The following ARL15 variants were observed in gnomAD, a reference collection of about 807,000 sequenced individuals.
The protein encoded by ARL15 is ARF like GTPase 15.
ARL15 carries 19 observed loss-of-function variants against 25.2 expected under a neutral mutation model. That is an observed-to-expected ratio of 0.75 (90% CI 0.53 to 1.10). The LOEUF is 1.10. ARL15 is among the 50% of genes least tolerant of loss of function. The pLI is 0.00. For missense variants in ARL15, 220 were observed against 246.0 expected, an observed-to-expected ratio of 0.89 and a Z score of 0.71; for synonymous variants, 94 against 86.8, an observed-to-expected ratio of 1.08 and a Z score of -0.46.
At chr5:53,886,773 C>A (rs898376095) in intron 4 of ARL15, 60 bp from the exon 5 acceptor site, 2 of 1,445,488 alleles carry the variant, frequency 1.4e-6, no homozygotes, top group African/African-American at 1.4e-5. Flanking sequence ...TTTCTCATAT[C>A]AAAATTCTGA....
At chr5:53,937,399 G>A (rs75634109) in intron 4 of ARL15, among the ~76,000 whole-genome samples, 10,308 of 152,062 alleles carry the variant, frequency 0.068, 441 homozygotes, top group African/African-American at 0.1. Context: ...TAACTCTTAT[G>A]TCAGTAGTTT....
At chr5:54,006,775 G>A (rs986472997) in intron 4 of ARL15, among the ~76,000 whole-genome samples, 2 of 152,034 alleles carry the variant, frequency 1.3e-5, no homozygotes, top group Non-Finnish European at 2.9e-5. Context: ...GTACCAGCTT[G>A]AGTGCATTGT....
intron 4 of ARL15, among the ~76,000 whole-genome samples, chr5:53,919,091 T>A (rs937642304): frequency 6.6e-6 from 1 of 152,170 alleles, no homozygotes; most frequent in African/African-American, 2.4e-5. Context: ...ACACCCCTCA[T>A]AACACCTCCC....
intron 1 of ARL15, among the ~76,000 whole-genome samples, chr5:54,242,159 G>A (rs1296525880): frequency 1.3e-5 from 2 of 151,486 alleles, no homozygotes; most frequent in African/African-American, 4.9e-5. Flanking sequence ...ACCTGTACAC[G>A]TACACACACG....
intron 3 of ARL15, among the ~76,000 whole-genome samples, chr5:54,124,265 CTCT>C (rs368576614): frequency 6.6e-6 from 1 of 152,170 alleles, no homozygotes; most frequent in African/African-American, 2.4e-5. Flanking sequence ...TCCTTTCATG[CTCT>C]TCTTATTCTA....
chr5:54,040,288 T>C (rs1252147236), intron 4 of ARL15, among the ~76,000 whole-genome samples: 1 of 152,186 alleles, frequency 6.6e-6, no homozygotes, highest in Non-Finnish European at 1.5e-5. Flanking sequence ...CCTCTTTTAA[T>C]GAAAGAAAGC....
chr5:54,298,578 TTC>T (rs1283856605), intron 1 of ARL15, among the ~76,000 whole-genome samples: 8 of 152,122 alleles, frequency 5.3e-5, no homozygotes, highest in Non-Finnish European at 8.8e-5. Context: ...GCCCTTTCTC[TTC>T]TCTTTCCTGG....
intron 4 of ARL15, among the ~76,000 whole-genome samples, chr5:53,989,618 C>T (rs1439671622): frequency 6.6e-6 from 1 of 151,598 alleles, no homozygotes; most frequent in Non-Finnish European, 1.5e-5. Context: ...TGTGTATCCC[C>T]TTGTTTGTAA....
chr5:53,992,420 T>C (rs947640710), intron 4 of ARL15, among the ~76,000 whole-genome samples: 2 of 152,182 alleles, frequency 1.3e-5, no homozygotes, highest in African/African-American at 4.8e-5. Context: ...TACTTGCTTC[T>C]ACACACATCT....
chr5:54,262,542 C>T (rs1422750149), intron 1 of ARL15, among the ~76,000 whole-genome samples: 1 of 152,032 alleles, frequency 6.6e-6, no homozygotes, highest in Non-Finnish European at 1.5e-5. Context: ...CTGTTAATAA[C>T]TATATTTCTA....
At chr5:53,966,640 T>C (rs1005903883) in intron 4 of ARL15, among the ~76,000 whole-genome samples, 3 of 152,204 alleles carry the variant, frequency 2.0e-5, no homozygotes, top group Non-Finnish European at 4.4e-5. Context: ...CACTGCAGAA[T>C]TAATTGCTCA....
chr5:54,284,182 T>C (rs969527191), intron 1 of ARL15, among the ~76,000 whole-genome samples: 4 of 152,154 alleles, frequency 2.6e-5, no homozygotes, highest in Non-Finnish European at 5.9e-5. Flanking sequence ...GGAATTACTG[T>C]ATCCTCAATA....
chr5:54,074,280 A>G (rs1751518499), intron 4 of ARL15, among the ~76,000 whole-genome samples: 1 of 152,246 alleles, frequency 6.6e-6, no homozygotes, highest in South Asian at 2.1e-4. Flanking sequence ...TGAAGCACCT[A>G]CTTCACAGTG....
chr5:54,159,860 G>C (rs1754352393), intron 2 of ARL15, among the ~76,000 whole-genome samples: 1 of 152,214 alleles, frequency 6.6e-6, no homozygotes, highest in Admixed American at 6.5e-5. Context: ...AGATGAATTT[G>C]AAGTTTTTCA....
At chr5:54,291,815 T>C (rs1053591998) in intron 1 of ARL15, among the ~76,000 whole-genome samples, 2 of 152,190 alleles carry the variant, frequency 1.3e-5, no homozygotes, top group African/African-American at 4.8e-5. Context: ...AACTATTTAA[T>C]AGTTTAAGAG....
intron 4 of ARL15, among the ~76,000 whole-genome samples, chr5:54,034,670 A>T (rs948790355): frequency 6.6e-6 from 1 of 151,974 alleles, no homozygotes; most frequent in Non-Finnish European, 1.5e-5. Flanking sequence ...ACAAAAAAAA[A>T]GACAGAGAGA....
At chr5:53,917,646 A>G (rs1034952654) in intron 4 of ARL15, among the ~76,000 whole-genome samples, 1 of 152,176 alleles carries the variant, frequency 6.6e-6, no homozygotes, top group East Asian at 1.9e-4. Flanking sequence ...ATTTCCTTAA[A>G]TCCTTATTGA....
chr5:54,078,213 T>C (rs1175796149), intron 4 of ARL15, among the ~76,000 whole-genome samples: 1 of 152,212 alleles, frequency 6.6e-6, no homozygotes, highest in Non-Finnish European at 1.5e-5. Context: ...CATCTGCTCC[T>C]AAGTATGCTT....
At chr5:54,264,248 C>T (rs144134311) in intron 1 of ARL15, among the ~76,000 whole-genome samples, 16 of 152,236 alleles carry the variant, frequency 1.1e-4, no homozygotes, top group Non-Finnish European at 2.1e-4. Context: ...TTCATTCTTC[C>T]GCACATCCAC....
Sources: allele counts gnomAD v4.1 joint callset (sites outside exome capture counted in the v4.1 genomes callset), GRCh38; gene constraint gnomAD v4.1.1; transcripts MANE v1.5; gene names NCBI Gene and HGNC (gene_info 2026-07-23, HGNC 2026-07-21).